The following MSI2 variants were observed in gnomAD, a reference collection of about 807,000 sequenced individuals.
MSI2 encodes the protein RNA-binding protein Musashi homolog 2.
MSI2 carries 17 observed loss-of-function variants against 45.6 expected under a neutral mutation model. The ratio of observed to expected loss-of-function variants is 0.37; its 90% CI spans 0.26 to 0.56. The LOEUF is 0.56. MSI2 is among the 20% of genes least tolerant of loss of function. The pLI, the probability that MSI2 is intolerant of heterozygous loss-of-function variation, is 0.77. For synonymous variants in MSI2, 156 were observed against 158.2 expected (o/e 0.99, Z 0.11); for missense variants, 293 against 444.2 (o/e 0.66, Z 3.06).
intron 11 of MSI2, among the ~76,000 whole-genome samples, chr17:57,654,205 G>T (rs547920410): frequency 6.6e-6 from 1 of 152,204 alleles, no homozygotes; most frequent in Non-Finnish European, 1.5e-5. Context: ...GCCGGGCAGG[G>T]TGTGTCAGGG....
Position 57,476,034 on chromosome 17 carries a change from T to C in MSI2, c.406-53642T>C, listed in dbSNP as rs144367057. Among the ~76,000 whole-genome samples, 6 of 152,350 alleles carry C rather than the reference T, an allele frequency of 3.9e-5. No individual in the cohort carries two copies. In the East Asian group the frequency reaches 1.2e-3, roughly 29 times the overall value. ...CTGAATAGCCTTTAAAATTGTTTTA[T>C]TGTTGTCAGCGCTGCAGAATGGTGT... On this transcript the variant is annotated intron_variant, in intron 6 of 13. Transcript: ENST00000284073.
intron 6 of MSI2, among the ~76,000 whole-genome samples, chr17:57,456,494 G>A (rs570285952): frequency 6.6e-6 from 1 of 152,256 alleles, no homozygotes; most frequent in East Asian, 1.9e-4. Context: ...TACTCAGGAG[G>A]CGGAGGCAGA....
intron 5 of MSI2, among the ~76,000 whole-genome samples, chr17:57,390,075 C>CAA (rs55932533): frequency 0.013 from 1,811 of 139,234 alleles, 27 homozygotes; most frequent in East Asian, 0.033. Context: ...CTGTCTTTAC[C>CAA]AAAAAAAAAA....
chr17:57,690,447 C>CA, the MSI2 span, among the ~76,000 whole-genome samples: 6,641 of 141,646 alleles, frequency 0.047, 166 homozygotes, highest in Middle Eastern at 0.12. Context: ...CCTATCTCTA[C>CA]AAAAAAAAAA....
chr17:57,659,117 T>G (rs1006477796), intron 11 of MSI2, among the ~76,000 whole-genome samples: 1 of 152,122 alleles, frequency 6.6e-6, no homozygotes, highest in Non-Finnish European at 1.5e-5. Context: ...TCTCACATGT[T>G]GCCCAGGCTG....
intron 5 of MSI2, among the ~76,000 whole-genome samples, chr17:57,341,730 A>G (rs1022040071): frequency 6.6e-6 from 1 of 152,024 alleles, no homozygotes; most frequent in African/African-American, 2.4e-5. Context: ...TTTTTTTTGG[A>G]TAACGGCAAA....
At chr17:57,535,511 A>G (rs2086902695) in intron 7 of MSI2, among the ~76,000 whole-genome samples, 3 of 152,230 alleles carry the variant, frequency 2.0e-5, no homozygotes, top group Admixed American at 6.5e-5. Context: ...CGGGGAGAGA[A>G]ATAAAGATTA....
At position 57,298,861 on chromosome 17, in the gene MSI2, G is replaced by C. The variant is rs1363866373; in HGVS notation, c.312+36669G>C. Among the ~76,000 whole-genome samples the C allele has an allele frequency of 1.3e-5, 2 of 152,150 alleles. 1 individual carries two copies. Among genetic ancestry groups the C allele is most frequent in the East Asian group, 3.9e-4 (2 of 5,192 alleles). ...CTTTAAAGCTTTGAAGCCAGCCATT[G>C]GCTTCTCCTCTCTAGCTATCAAAGT... On this transcript the variant is annotated intron_variant, in intron 5 of 13. Coordinates refer to ENST00000284073, the MANE Select transcript of MSI2 (RefSeq NM_138962.4).
chr17:57,513,473 T>G (rs1346231919), intron 6 of MSI2, among the ~76,000 whole-genome samples: 1 of 152,190 alleles, frequency 6.6e-6, no homozygotes, highest in East Asian at 1.9e-4. Flanking sequence ...AGCTGGGACC[T>G]GGGTCTAGGT....
At chr17:57,281,917 G>A (rs1909455317) in intron 5 of MSI2, among the ~76,000 whole-genome samples, 1 of 152,164 alleles carries the variant, frequency 6.6e-6, no homozygotes, top group Non-Finnish European at 1.5e-5. Context: ...GCCTGAGTGA[G>A]ATCAAACAAC....
Position 57,631,874 on chromosome 17 carries a change from T to G in MSI2, c.727+4571T>G, listed in dbSNP as rs555106035. ...GCAAAGTGGGGGTTGCTACCATTTC[T>G]AGAGAGAGAGGACACAGTCCCGGCC... On this transcript the variant is annotated intron_variant, in intron 10 of 13. Transcript: ENST00000284073. The G allele has an allele frequency of 6.8e-5, 109 of 1,608,432 alleles. No individual in the cohort carries two copies. In the East Asian group the frequency reaches 1.7e-3, roughly 25 times the overall value.
chr17:57,358,667 G>A (rs997890813), intron 5 of MSI2, among the ~76,000 whole-genome samples: 20 of 152,100 alleles, frequency 1.3e-4, no homozygotes, highest in African/African-American at 4.8e-4. Context: ...AAAGAGGGAA[G>A]GTCACACAAA....
intron 6 of MSI2, among the ~76,000 whole-genome samples, chr17:57,511,980 G>C (rs1230107927): frequency 6.6e-6 from 1 of 152,120 alleles, no homozygotes; most frequent in East Asian, 1.9e-4. Context: ...GTGCCCCTTT[G>C]CTTAGAAACC....
chr17:57,676,948 T>A, intron 12 of MSI2, 39 bp from the exon 13 acceptor site: 2 of 1,264,008 alleles, frequency 1.6e-6, no homozygotes, highest in Non-Finnish European at 1.2e-6. Flanking sequence ...TGTTCCCATG[T>A]ATAGCACACT....
intron 11 of MSI2, among the ~76,000 whole-genome samples, chr17:57,660,762 C>G (rs1911933732): frequency 6.6e-6 from 1 of 152,158 alleles, no homozygotes; most frequent in African/African-American, 2.4e-5. Context: ...CACCAGACCT[C>G]GGGACAATGG....
intron 5 of MSI2, among the ~76,000 whole-genome samples, chr17:57,396,076 G>A (rs1326005947): frequency 6.6e-6 from 1 of 152,146 alleles, no homozygotes; most frequent in East Asian, 1.9e-4. Flanking sequence ...AGTGAAGATG[G>A]CTTACATTTT....
At chr17:57,637,391 C>G (rs542317694) in intron 10 of MSI2, among the ~76,000 whole-genome samples, 1 of 152,358 alleles carries the variant, frequency 6.6e-6, no homozygotes, top group South Asian at 2.1e-4. Context: ...CAGATGAAAG[C>G]AGAGCACGGT....
downstream of MSI2, among the ~76,000 whole-genome samples, chr17:57,689,473 G>A (rs57050445): frequency 8.9e-3 from 1,360 of 152,228 alleles, 15 homozygotes; most frequent in African/African-American, 0.03. Context: ...AAATACAACA[G>A]TTTCAAGGCC....
In MSI2 at chr17:57,292,063, C is replaced by T. The variant is rs74777110; in HGVS notation, c.312+29871C>T. On this transcript the variant is annotated intron_variant, in intron 5 of 13. Coordinates refer to ENST00000284073, the MANE Select transcript of MSI2 (RefSeq NM_138962.4). ...CCCCCTCCTCAGGAGGGCTAGTGGG[C>T]GAGACCTGCGTGAAAATGCAGGATC... is the stretch of plus-strand genomic sequence containing the variant. Among the ~76,000 whole-genome samples, 49 of 151,896 alleles carry T rather than the reference C, an allele frequency of 3.2e-4. 1 individual carries two copies. In the East Asian group the frequency reaches 7.0e-3, roughly 22 times the overall value.
Sources: gnomAD v4.1 joint callset for allele counts (sites outside exome capture counted in the v4.1 genomes callset) on GRCh38, gnomAD v4.1.1 for gene constraint, MANE v1.5 for transcripts, NCBI Gene and HGNC (gene_info 2026-07-23, HGNC 2026-07-21) for gene names.